NBEA: variants seen among roughly 807,000 people sequenced by gnomAD.
NBEA encodes the protein neurobeachin, also known as lysosomal-trafficking regulator 2.
A neutral mutation model predicts 343.4 loss-of-function variants in NBEA; 44 were observed. The ratio of observed to expected loss-of-function variants is 0.13; its 90% CI spans 0.10 to 0.16. The LOEUF is 0.16. Among genes scored for constraint, NBEA ranks in the 10% least tolerant of loss-of-function variants. The probability of loss-of-function intolerance (pLI) is 1.00; values close to 1 mark genes in which losing one functional copy is unlikely to be tolerated. For missense variants in NBEA, 2,555 were observed against 3,631.3 expected (o/e 0.70, Z 7.62); for synonymous variants, 1,175 against 1,238.7 (o/e 0.95, Z 1.08).
intron 36 of NBEA, among the ~76,000 whole-genome samples, chr13:35,340,710 T>C (rs141438882): frequency 3.9e-5 from 6 of 152,142 alleles, no homozygotes; most frequent in Admixed American, 1.3e-4. Flanking sequence ...AACCACAACA[T>C]TATTGAATTT....
intron 41 of NBEA, among the ~76,000 whole-genome samples, chr13:35,480,980 G>C (rs1243028099): frequency 1.3e-5 from 2 of 151,868 alleles, no homozygotes; most frequent in African/African-American, 4.8e-5. Flanking sequence ...TTATTTCAAA[G>C]TCAAGCAGAG....
intron 36 of NBEA, among the ~76,000 whole-genome samples, chr13:35,311,845 ACTTCGT>A (rs1329969366): frequency 1.3e-5 from 2 of 152,040 alleles, no homozygotes; most frequent in Non-Finnish European, 2.9e-5. Context: ...TGAGAGCGAG[ACTTCGT>A]CCCCCCACCA....
chr13:35,665,165 C>T lies in NBEA; in HGVS notation c.8443C>T (p.Leu2815Phe). Residue 2815 changes from leucine to phenylalanine, a missense_variant, in exon 56 of 59, where the codon CTT (leucine) becomes TTT (phenylalanine). Leu to Phe is a conservative substitution (Grantham distance 22). Coordinates refer to ENST00000379939, the MANE Select transcript of NBEA (RefSeq NM_001385012.1). ...TGTTTCTGTCTGTGCAGAACTTGGG[C>T]TTGTTATCAGTGGTGCTAAAGGTCA... ...VCVSVCAELGLVISGAKEGPC... is the reference protein window; with the variant it reads ...VCVSVCAELGFVISGAKEGPC... The T allele has an allele frequency of 1.3e-6, 2 of 1,590,224 alleles. No homozygotes were observed. Among genetic ancestry groups the T allele is most frequent in the Non-Finnish European group, 1.7e-6 (2 of 1,166,398 alleles).
chr13:35,586,490 G>A (rs1446494412), intron 46 of NBEA, among the ~76,000 whole-genome samples: 3 of 152,090 alleles, frequency 2.0e-5, no homozygotes, highest in Non-Finnish European at 2.9e-5. Context: ...AATGAACTCT[G>A]TAATGATAAA....
intron 13 of NBEA, among the ~76,000 whole-genome samples, chr13:35,113,514 A>G (rs2066320085): frequency 6.6e-6 from 1 of 152,036 alleles, no homozygotes; most frequent in Non-Finnish European, 1.5e-5. Flanking sequence ...ATGACTGACA[A>G]ATGATATTTT....
At chr13:35,435,052 GA>G (rs1268280047) in intron 39 of NBEA, among the ~76,000 whole-genome samples, 3 of 152,110 alleles carry the variant, frequency 2.0e-5, no homozygotes, top group Admixed American at 2.0e-4. Flanking sequence ...TGTTGTGACG[GA>G]ATTTCACTCT....
At chr13:35,574,624 G>A (rs534940046) in intron 45 of NBEA, among the ~76,000 whole-genome samples, 3 of 152,024 alleles carry the variant, frequency 2.0e-5, no homozygotes, top group Admixed American at 6.5e-5. Context: ...GGTGGCTCAC[G>A]TCTGTAATCC....
chr13:35,074,538 G>A (rs1474879403), intron 10 of NBEA, among the ~76,000 whole-genome samples: 7 of 152,142 alleles, frequency 4.6e-5, no homozygotes, highest in Admixed American at 1.3e-4. Context: ...TATTGCGTAA[G>A]TGTTCTTTTG....
chr13:35,423,307 A>G (rs1566110341), intron 38 of NBEA, among the ~76,000 whole-genome samples: 1 of 152,154 alleles, frequency 6.6e-6, no homozygotes, highest in East Asian at 1.9e-4. Context: ...TCTTTAATCC[A>G]TCTTGAATTA....
At chr13:34,983,692 T>A (rs2152509045) in intron 1 of NBEA, among the ~76,000 whole-genome samples, 1 of 152,342 alleles carries the variant, frequency 6.6e-6, no homozygotes, top group East Asian at 1.9e-4. Flanking sequence ...TGTTGTTTCC[T>A]GACTTTCTAA....
intron 41 of NBEA, among the ~76,000 whole-genome samples, chr13:35,498,033 A>G (rs1412782730): frequency 4.6e-5 from 7 of 152,026 alleles, no homozygotes; most frequent in Admixed American, 3.3e-4. Flanking sequence ...AGATCTTAGC[A>G]TGTATTGATT....
chr13:35,094,718 G>T (rs778973351), intron 10 of NBEA, among the ~76,000 whole-genome samples: 12 of 151,870 alleles, frequency 7.9e-5, no homozygotes, highest in Non-Finnish European at 1.0e-4. Context: ...AAATACTATA[G>T]AAATATGATA....
chr13:35,105,503 A>C (rs995925396), intron 11 of NBEA, among the ~76,000 whole-genome samples: 1 of 151,974 alleles, frequency 6.6e-6, no homozygotes, highest in Non-Finnish European at 1.5e-5. Context: ...TGCCAGAGAG[A>C]ATTGGCGCTA....
At chr13:35,176,547 C>T (rs2070914337) in intron 27 of NBEA, among the ~76,000 whole-genome samples, 1 of 151,960 alleles carries the variant, frequency 6.6e-6, no homozygotes, top group Non-Finnish European at 1.5e-5. Flanking sequence ...TCTTTTTAAT[C>T]TTACCGTTTC....
At chr13:35,333,480 T>C (rs2039057079) in intron 36 of NBEA, among the ~76,000 whole-genome samples, 1 of 152,122 alleles carries the variant, frequency 6.6e-6, no homozygotes, top group Non-Finnish European at 1.5e-5. Flanking sequence ...CAATGCATAA[T>C]AATCACATCA....
At chr13:35,473,796 C>A (rs1209014049) in intron 41 of NBEA, among the ~76,000 whole-genome samples, 1 of 152,094 alleles carries the variant, frequency 6.6e-6, no homozygotes, top group African/African-American at 2.4e-5. Context: ...ATATATTGGT[C>A]AGAAAGGATC....
At chr13:35,081,242 TG>T (rs1012171732) in intron 10 of NBEA, among the ~76,000 whole-genome samples, 40 of 152,228 alleles carry the variant, frequency 2.6e-4, no homozygotes, top group African/African-American at 8.9e-4. Flanking sequence ...GCCTAATTTT[TG>T]TACAAATCCT....
chr13:35,152,984 T>C (rs963600820), intron 18 of NBEA, among the ~76,000 whole-genome samples: 1 of 151,956 alleles, frequency 6.6e-6, no homozygotes, highest in African/African-American at 2.4e-5. Flanking sequence ...ATTCATCTCT[T>C]TTTATTTATA....
intron 1 of NBEA, among the ~76,000 whole-genome samples, chr13:34,987,765 T>G (rs1464403694): frequency 6.6e-6 from 1 of 151,154 alleles, no homozygotes. Flanking sequence ...ACTGATATTC[T>G]TTTTTCCACT....
Sources: allele counts gnomAD v4.1 joint callset (sites outside exome capture counted in the v4.1 genomes callset), GRCh38; gene constraint gnomAD v4.1.1; transcripts MANE v1.5; gene names NCBI Gene and HGNC (gene_info 2026-07-23, HGNC 2026-07-21).